NOL3: variants seen among roughly 807,000 people sequenced by gnomAD.
NOL3 encodes the protein muscle-enriched cytoplasmic protein.
In NOL3, 18 loss-of-function variants were observed where a neutral mutation model predicts 19.2. The observed-to-expected ratio is 0.94, with a 90% confidence interval of 0.65 to 1.39. The LOEUF (loss-of-function observed/expected upper bound fraction) is 1.39, where lower values mean the gene tolerates loss of function less well. NOL3 is among the 40% of genes most tolerant of loss of function. The probability of loss-of-function intolerance (pLI) is 0.00; values close to 1 mark genes in which losing one functional copy is unlikely to be tolerated. For synonymous variants in NOL3, 127 were observed against 137.3 expected (o/e 0.93, Z 0.52); for missense variants, 290 against 289.5 (o/e 1.00, Z -0.01).
chr16:67,173,758 G>A, intron 1 of NOL3: 1 of 994,266 alleles, frequency 1.0e-6, no homozygotes, highest in Non-Finnish European at 1.4e-6. Context: ...AGGTGGGGAA[G>A]CAGATTTGAG....
intron 1 of NOL3, chr16:67,173,667 T>G: frequency 1.7e-6 from 1 of 590,894 alleles, no homozygotes; most frequent in Middle Eastern, 4.5e-4. Flanking sequence ...GAGAGAAATA[T>G]TCAGCAGTCA....
exon 2 of NOL3, chr16:67,174,444 A>G: frequency 6.6e-7 from 1 of 1,509,526 alleles, no homozygotes; most frequent in South Asian, 1.3e-5. Flanking sequence ...CCCGCTTGGG[A>G]CTGGCAGCAC....
At chr16:67,175,341 T>G in exon 4 of NOL3, 2 of 1,316,430 alleles carry the variant, frequency 1.5e-6, no homozygotes, top group Middle Eastern at 2.9e-4. Context: ...GGCTGCACCC[T>G]GGAGATCCCA....
chr16:67,171,140 T>G (rs1264017675), intron 1 of NOL3: 3 of 152,324 alleles, frequency 2.0e-5, no homozygotes, highest in Non-Finnish European at 4.4e-5. Flanking sequence ...TCCCTGTGTC[T>G]GTCCCGAGTA....
chr16:67,174,141 C>T, intron 1 of NOL3, 21 bp from the exon 2 acceptor site: 1 of 1,604,454 alleles, frequency 6.2e-7, no homozygotes, highest in East Asian at 2.2e-5. Flanking sequence ...CCCATTACTT[C>T]TCTCCCCTTT....
chr16:67,175,381 G>A, exon 4 of NOL3: 1 of 1,239,330 alleles, frequency 8.1e-7, no homozygotes, highest in Non-Finnish European at 1.0e-6. Context: ...ACAAGGACCT[G>A]ACCCTCCTGC....
chr16:67,172,625 A>AAAT (rs1382494436), intron 1 of NOL3: 10 of 150,806 alleles, frequency 6.6e-5, no homozygotes, highest in African/African-American at 2.2e-4. Context: ...AAAAAAAAAA[A>AAAT]ATGGATAAAG....
chr16:67,174,229 C>G (rs771321556), exon 2 of NOL3: 2 of 1,612,996 alleles, frequency 1.2e-6, no homozygotes, highest in Non-Finnish European at 8.5e-7. Context: ...AACGCCTGGT[C>G]GAGACGCTGC....
Position 67,174,184 on chromosome 16 carries a change from GGA to G in NOL3, c.17_18del (p.Glu6AlafsTer47). The G allele has an allele frequency of 6.2e-7, 1 of 1,610,764 alleles. No individual in the cohort carries two copies. The highest frequency in any genetic ancestry group is 8.5e-7 in the Non-Finnish European group (1 of 1,178,204). On this transcript the variant is annotated frameshift_variant, in exon 2 of 4. Transcript: ENST00000268605. LOFTEE classifies it high-confidence loss of function. Reference sequence around the variant, plus strand: ...CAGCCCCGACAATGGGCAACGCGCAGGAGCGGCCGTCAGAGACTATCGACCGC... The same window carrying G: ...CAGCCCCGACAATGGGCAACGCGCAGGCGGCCGTCAGAGACTATCGACCGC...
exon 2 of NOL3, chr16:67,174,436 C>T (rs1159392721): frequency 1.3e-6 from 2 of 1,515,444 alleles, no homozygotes; most frequent in Admixed American, 4.1e-5. Flanking sequence ...CGCCGGACCC[C>T]GCTTGGGACT....
chr16:67,175,311 A>T, exon 4 of NOL3: 4 of 1,403,672 alleles, frequency 2.8e-6, no homozygotes, highest in Non-Finnish European at 2.8e-6. Context: ...CCTCAGCCCT[A>T]ATCTGCCCTT....
At position 67,170,802 on chromosome 16, in the gene NOL3, G is replaced by C. The variant is rs977821644; in HGVS notation, c.-9+228G>C. Among the ~76,000 whole-genome samples, 18 of 152,142 alleles carry C rather than the reference G, an allele frequency of 1.2e-4. 1 individual carries two copies. Among genetic ancestry groups the C allele is most frequent in the African/African-American group, 4.1e-4 (17 of 41,404 alleles). On this transcript the variant is annotated intron_variant, in intron 1 of 3. Coordinates refer to ENST00000268605, the Ensembl canonical transcript of NOL3. The surrounding 1 kb of genome is among the most constrained non-coding windows in gnomAD (Gnocchi z 5.7). ...GCGGGGGGGGAAAATCCGTGCAGTC[G>C]CACATGCGCAAAGGCTCTTCACTGT...
chr16:67,174,902 C>T (rs752104773), exon 3 of NOL3: 3 of 1,613,654 alleles, frequency 1.9e-6, no homozygotes, highest in South Asian at 2.2e-5. Context: ...AGAACCGGAC[C>T]CAGAGCCCGA....
intron 1 of NOL3, chr16:67,172,724 T>C (rs960004591): frequency 2.6e-5 from 4 of 151,374 alleles, no homozygotes; most frequent in African/African-American, 9.7e-5. Context: ...CACAAAGTGC[T>C]GGTAATCCCA....
exon 3 of NOL3, chr16:67,174,732 C>A: frequency 1.2e-6 from 2 of 1,610,706 alleles, no homozygotes; most frequent in Non-Finnish European, 1.7e-6. Flanking sequence ...CCTGACGAGG[C>A]CGGGGGCCCT....
exon 4 of NOL3, chr16:67,175,218 CTG>C (rs765299872): frequency 1.3e-6 from 2 of 1,515,528 alleles, no homozygotes; most frequent in Admixed American, 4.3e-5. Context: ...ACGATTCTGG[CTG>C]TTTGCCCAGG....
chr16:67,174,838 A>G (rs1374303035), exon 3 of NOL3: 4 of 1,604,372 alleles, frequency 2.5e-6, no homozygotes, highest in Non-Finnish European at 3.4e-6. Context: ...AGCCGGAGCC[A>G]GAGCCAGAGC....
At chr16:67,174,010 C>T in intron 1 of NOL3, 152 bp from the exon 2 acceptor site, 1 of 1,544,140 alleles carries the variant, frequency 6.5e-7, no homozygotes, top group South Asian at 1.2e-5. Context: ...GCCTCCAGGT[C>T]CTGTGCTTGC....
At chr16:67,173,986 A>G in intron 1 of NOL3, 176 bp from the exon 2 acceptor site, 1 of 1,538,790 alleles carries the variant, frequency 6.5e-7, no homozygotes, top group South Asian at 1.2e-5. Flanking sequence ...GAGGACACCG[A>G]GTTCCCCGTG....
Sources: gnomAD v4.1 joint callset for allele counts (sites outside exome capture counted in the v4.1 genomes callset) on GRCh38, gnomAD v4.1.1 for gene constraint, Gnocchi (gnomAD v3.1) non-coding constraint, MANE v1.5 for transcripts, NCBI Gene and HGNC (gene_info 2026-07-23, HGNC 2026-07-21) for gene names.